TRDMT1: variants seen among roughly 807,000 people sequenced by gnomAD.
TRDMT1 encodes tRNA aspartic acid methyltransferase 1.
In TRDMT1, 49 loss-of-function variants were observed where a neutral mutation model predicts 51.2. The observed-to-expected ratio is 0.96, with a 90% CI of 0.76 to 1.21. The LOEUF (loss-of-function observed/expected upper bound fraction) is 1.21. Ranked by LOEUF, TRDMT1 falls within the 50% of genes most tolerant of loss-of-function variation. The probability of loss-of-function intolerance (pLI) is 0.00; values close to 1 mark genes in which losing one functional copy is unlikely to be tolerated. For synonymous variants in TRDMT1, 187 were observed against 164.6 expected (o/e 1.14, Z -1.04); for missense variants, 534 against 462.3 (o/e 1.16, Z -1.42).
intron 8 of TRDMT1, 109 bp from the exon 9 acceptor site, chr10:17,154,843 A>G (rs1301628843): frequency 1.1e-6 from 1 of 873,712 alleles, no homozygotes; most frequent in Non-Finnish European, 1.7e-6. Flanking sequence ...CATCCTTCTG[A>G]AATATCTTGA....
intron 1 of TRDMT1, among the ~76,000 whole-genome samples, chr10:17,176,919 G>C (rs1390009215): frequency 2.0e-5 from 3 of 151,950 alleles, no homozygotes; most frequent in African/African-American, 7.2e-5. Context: ...TAATTCTATA[G>C]AATTTTGCCT....
At position 17,144,900 on chromosome 10, in the gene TRDMT1, A is replaced by T; in HGVS notation, c.*4140T>A. The T allele has an allele frequency of 1.0e-6, 1 of 985,422 alleles. No individual in the cohort carries two copies. The highest frequency in any genetic ancestry group is 1.2e-6 in the Non-Finnish European group (1 of 829,938). The allele number at this position is 985,422 out of a possible 1,614,324, so 61.0% of individuals were successfully genotyped here. A position where few individuals can be genotyped will look rare whatever the true frequency, so the allele number is the denominator to read the frequency against. Reference sequence around the variant, plus strand: ...GAAAATGATGCACACAGGTTGACTCATGCAAACTGAAACTAAAGAACATGT... The same window carrying T: ...GAAAATGATGCACACAGGTTGACTCTTGCAAACTGAAACTAAAGAACATGT... On this transcript the variant is annotated 3_prime_UTR_variant, in exon 11 of 11. Coordinates refer to ENST00000377799, the MANE Select transcript of TRDMT1 (RefSeq NM_004412.7).
At chr10:17,197,966 G>A (rs1022814219) in intron 1 of TRDMT1, among the ~76,000 whole-genome samples, 5 of 151,886 alleles carry the variant, frequency 3.3e-5, no homozygotes, top group African/African-American at 9.7e-5. Context: ...CCCGGGAGAC[G>A]GAGGTTGCAG....
At chr10:17,190,712 A>G (rs1844582093) in intron 1 of TRDMT1, among the ~76,000 whole-genome samples, 1 of 152,222 alleles carries the variant, frequency 6.6e-6, no homozygotes, top group Non-Finnish European at 1.5e-5. Flanking sequence ...CAGAAGGATG[A>G]TATCTACATC....
At chr10:17,169,592 C>G in intron 2 of TRDMT1, 1 of 1,139,108 alleles carries the variant, frequency 8.8e-7, no homozygotes, top group African/African-American at 1.6e-5. Context: ...TTTGCCAACT[C>G]ACATTAAGCA....
At chr10:17,177,415 T>C (rs1359165700) in intron 1 of TRDMT1, among the ~76,000 whole-genome samples, 3 of 152,034 alleles carry the variant, frequency 2.0e-5, no homozygotes, top group Non-Finnish European at 2.9e-5. Flanking sequence ...TTGGCCAGGC[T>C]GGTCTCAAAC....
At chr10:17,198,893 C>G (rs1845790491) in intron 1 of TRDMT1, among the ~76,000 whole-genome samples, 1 of 152,074 alleles carries the variant, frequency 6.6e-6, no homozygotes, top group Non-Finnish European at 1.5e-5. Context: ...TTTTGTGCTG[C>G]TTATTATATT....
chr10:17,182,931 T>C (rs1588640673), intron 1 of TRDMT1, among the ~76,000 whole-genome samples: 1 of 152,322 alleles, frequency 6.6e-6, no homozygotes, highest in East Asian at 1.9e-4. Context: ...CAGTTTTACC[T>C]AGCAGCTTGG....
intron 2 of TRDMT1, among the ~76,000 whole-genome samples, chr10:17,170,874 T>C (rs1472762505): frequency 6.6e-6 from 1 of 152,186 alleles, no homozygotes; most frequent in Admixed American, 6.5e-5. Flanking sequence ...AGCGTCCTTA[T>C]TAAAGCACTA....
chr10:17,201,567 T>G lies in TRDMT1; in HGVS notation c.64+4A>C, dbSNP rs1041557747. 17 of 1,549,438 alleles carry G rather than the reference T, an allele frequency of 1.1e-5. No individual in the cohort carries two copies. In the African/African-American group the frequency reaches 1.8e-4, roughly 16 times the overall value. ...AGAGAGAGGGGTGCTAGATGGACTCTCACCTCTCAGCGCGTGGTGCATGCC... is the reference window on the plus strand; with the variant it reads ...AGAGAGAGGGGTGCTAGATGGACTCGCACCTCTCAGCGCGTGGTGCATGCC... On this transcript the variant is annotated splice_donor_region_variant and intron_variant, in intron 1 of 10. Transcript: ENST00000377799.
At position 17,201,649 on chromosome 10, in the gene TRDMT1, C is replaced by G; in HGVS notation, c.-15G>C. ...AGGGGCTCCATCCCCGCGCCTCAGC[C>G]GCCGCAGCCCCGGAGCTAGGCCTGC... On this transcript the variant is annotated 5_prime_UTR_variant, in exon 1 of 11. Transcript: ENST00000377799. 1 of 1,539,528 alleles carries G rather than the reference C, an allele frequency of 6.5e-7. No individual in the cohort carries two copies. The highest frequency in any genetic ancestry group is 1.4e-5 in the African/African-American group (1 of 72,866).
intron 1 of TRDMT1, among the ~76,000 whole-genome samples, chr10:17,177,072 A>G (rs1267885025): frequency 6.6e-6 from 1 of 151,936 alleles, no homozygotes; most frequent in Non-Finnish European, 1.5e-5. Context: ...TACTTTGCCT[A>G]GACTTTATTC....
intron 1 of TRDMT1, among the ~76,000 whole-genome samples, chr10:17,196,264 C>A (rs1166806812): frequency 2.0e-5 from 3 of 152,218 alleles, no homozygotes; most frequent in Non-Finnish European, 2.9e-5. Context: ...AAAGCCAACT[C>A]CTTGGAAGAG....
rs138454921 is a variant in TRDMT1 at position 17,162,201 on chromosome 10, C to T, written c.288G>A (p.Thr96=). The part of the protein sequence containing the change: ...GRQGDMTDSR[T]NSFLHILDIL... ...TATCTAGAATATGTAAGAAGCTATTCGTCCTTGAATCAGTCATATCACCCT... is the reference window on the plus strand; with the variant it reads ...TATCTAGAATATGTAAGAAGCTATTTGTCCTTGAATCAGTCATATCACCCT... Residue 96 remains threonine, a synonymous_variant, in exon 4 of 11, where the codon ACG becomes ACA. Coordinates refer to ENST00000377799, the MANE Select transcript of TRDMT1 (RefSeq NM_004412.7). 6 of 1,606,354 alleles carry T rather than the reference C, an allele frequency of 3.7e-6. No homozygotes were observed. The highest frequency in any genetic ancestry group is 2.2e-5 in the East Asian group (1 of 44,530).
At chr10:17,156,274 G>A (rs894210505) in intron 8 of TRDMT1, among the ~76,000 whole-genome samples, 2 of 150,502 alleles carry the variant, frequency 1.3e-5, no homozygotes, top group East Asian at 1.9e-4. Context: ...TCACTCTGTC[G>A]CCCAGGCTGG....
chr10:17,156,337 C>T (rs973585606), intron 8 of TRDMT1, among the ~76,000 whole-genome samples: 4 of 151,774 alleles, frequency 2.6e-5, no homozygotes, highest in Admixed American at 1.3e-4. Context: ...CAGATTCAAG[C>T]GATTCTCCTG....
In TRDMT1 at chr10:17,142,472, C is replaced by T. The variant is rs1464769088; in HGVS notation, c.*6568G>A. On this transcript the variant is annotated 3_prime_UTR_variant, in exon 11 of 11. Coordinates refer to ENST00000377799, the MANE Select transcript of TRDMT1 (RefSeq NM_004412.7). ...GAAGGATTTTCTCCCAAGCCAGGTC[C>T]CATGGTATCTCTGGGAGAAGGGAGT... is the stretch of plus-strand genomic sequence containing the variant. 6.6e-6 allele frequency: 1 copy of T among 152,084 alleles called. No individual in the cohort carries two copies. The highest frequency in any genetic ancestry group is 2.4e-5 in the African/African-American group (1 of 41,374). 9.4% of individuals were successfully genotyped at this position (152,084 alleles called of 1,614,324 possible).
intron 8 of TRDMT1, among the ~76,000 whole-genome samples, chr10:17,157,216 T>G (rs1379560355): frequency 3.9e-5 from 6 of 152,176 alleles, no homozygotes; most frequent in African/African-American, 1.4e-4. Flanking sequence ...ACAAATGACA[T>G]TGTCTTTTAT....
At position 17,144,435 on chromosome 10, in the gene TRDMT1, T is replaced by G. The variant is rs2131354827; in HGVS notation, c.*4605A>C. On this transcript the variant is annotated 3_prime_UTR_variant, in exon 11 of 11. Coordinates refer to ENST00000377799, the MANE Select transcript of TRDMT1 (RefSeq NM_004412.7). ...GAACTCAGTTCCTATCTTGTAATTTTTGTGAAAATTTCCGGTCTCATATTT... is the reference window on the plus strand; with the variant it reads ...GAACTCAGTTCCTATCTTGTAATTTGTGTGAAAATTTCCGGTCTCATATTT... The G allele has an allele frequency of 1.0e-6, 1 of 985,614 alleles. No individual in the cohort carries two copies. 61.1% of individuals were successfully genotyped at this position (985,614 alleles called of 1,614,324 possible). A position where few individuals can be genotyped will look rare whatever the true frequency, so the allele number is the denominator to read the frequency against.
Sources: gnomAD v4.1 joint callset for allele counts (sites outside exome capture counted in the v4.1 genomes callset) on GRCh38, gnomAD v4.1.1 for gene constraint, MANE v1.5 for transcripts, NCBI Gene and HGNC (gene_info 2026-07-23, HGNC 2026-07-21) for gene names.